ERI1: variants seen among roughly 807,000 people sequenced by gnomAD.
ERI1 encodes exoribonuclease 1.
In ERI1, 39 loss-of-function variants were observed where a neutral mutation model predicts 39.7. That is an observed-to-expected ratio of 0.98 (90% confidence interval 0.76 to 1.28). The LOEUF is 1.28. Ranked by LOEUF, ERI1 falls within the 50% of genes most tolerant of loss-of-function variation. The probability of loss-of-function intolerance (pLI) is 0.00; values close to 1 mark genes in which losing one functional copy is unlikely to be tolerated. For missense variants in ERI1, 581 were observed against 416.9 expected, an observed-to-expected ratio of 1.39 and a Z score of -3.43; for synonymous variants, 204 against 149.6, an observed-to-expected ratio of 1.36 and a Z score of -2.65.
chr8:9,029,698 G>T, intron 6 of ERI1, 94 bp from the exon 7 acceptor site: 1 of 1,441,454 alleles, frequency 6.9e-7, no homozygotes, highest in Non-Finnish European at 9.6e-7. Context: ...AGCTGTTAGT[G>T]CTAATTTTCA....
chr8:9,009,660 C>T (rs1159529274), intron 2 of ERI1, among the ~76,000 whole-genome samples: 1 of 152,120 alleles, frequency 6.6e-6, no homozygotes, highest in Non-Finnish European at 1.5e-5. Context: ...GTGCCTCAGC[C>T]TCCTGAGTAG....
chr8:9,029,907 G>A lies in ERI1; in HGVS notation c.923G>A (p.Arg308Gln), dbSNP rs749327249. The A allele has an allele frequency of 7.4e-6, 12 of 1,614,128 alleles. No individual in the cohort carries two copies. The highest frequency in any genetic ancestry group is 1.0e-5 in the Non-Finnish European group (12 of 1,180,024). The change falls in exon 7 of 7, where the codon CGA becomes CAA. Residue 308 changes from arginine to glutamine, a missense_variant. By Grantham distance (43) the Arg-to-Gln change is conservative. Transcript: ENST00000250263. Reference protein sequence around the residue: ...DSKNIARIAVRMLQDGCELRI... With the variant: ...DSKNIARIAVQMLQDGCELRI... Reference sequence around the variant, plus strand: ...AAGAATATCGCCCGAATAGCAGTTCGAATGCTTCAGGATGGGTGTGAACTC... The same window carrying A: ...AAGAATATCGCCCGAATAGCAGTTCAAATGCTTCAGGATGGGTGTGAACTC...
chr8:9,062,648 G>A lies in ERI1; in HGVS notation n.299+42184G>A, dbSNP rs539853340. 4.7e-5 allele frequency: 7 copies of A among 148,990 alleles called. 1 individual carries two copies. Among genetic ancestry groups the A allele is most frequent in the African/African-American group, 1.7e-4 (7 of 41,332 alleles). 9.2% of individuals were successfully genotyped at this position (148,990 alleles called of 1,614,324 possible). A position where few individuals can be genotyped will look rare whatever the true frequency, so the allele number is the denominator to read the frequency against. The stretch of plus-strand genomic sequence containing the variant: ...ACCTCCACTGTGAGAGTTAATCAGA[G>A]TATCTGTGATGGTCCTGTAGGCTTC... On this transcript the variant is annotated intron_variant and non_coding_transcript_variant, in intron 3 of 3. Coordinates refer to the ERI1 transcript ENST00000518663.
chr8:9,040,232 A>G (rs758410985), intron 3 of ERI1, among the ~76,000 whole-genome samples: 4 of 152,088 alleles, frequency 2.6e-5, no homozygotes, highest in African/African-American at 4.8e-5. Context: ...TTCAATAAAA[A>G]TCATTACTTT....
At chr8:9,042,548 T>G (rs1474590013) in intron 3 of ERI1, among the ~76,000 whole-genome samples, 1 of 152,146 alleles carries the variant, frequency 6.6e-6, no homozygotes, top group East Asian at 1.9e-4. Context: ...TCCCTGTTCT[T>G]TGAGGAGGTA....
At chr8:9,050,898 A>C (rs192897331) in intron 3 of ERI1, among the ~76,000 whole-genome samples, 406 of 152,192 alleles carry the variant, frequency 2.7e-3, no homozygotes, top group African/African-American at 9.4e-3. Flanking sequence ...TCAGGGCAGC[A>C]CCTTTGGATG....
At chr8:9,029,035 A>G (rs576361220) in intron 6 of ERI1, among the ~76,000 whole-genome samples, 2 of 149,978 alleles carry the variant, frequency 1.3e-5, no homozygotes, top group South Asian at 4.2e-4. Context: ...AACCTGAAAA[A>G]TACCACACCA....
chr8:9,071,645 A>T (rs865926719), intron 3 of ERI1, among the ~76,000 whole-genome samples: 2 of 152,378 alleles, frequency 1.3e-5, no homozygotes, highest in Admixed American at 6.5e-5. Context: ...AAACGGGAGA[A>T]GTCCTCCCCT....
At chr8:9,025,024 G>C (rs115634172) in intron 6 of ERI1, among the ~76,000 whole-genome samples, 1,656 of 152,208 alleles carry the variant, frequency 0.011, 30 homozygotes, top group African/African-American at 0.037. Flanking sequence ...AGGATACTTT[G>C]CAGAAATCCA....
chr8:9,014,249 T>C (rs1016233246), intron 3 of ERI1, among the ~76,000 whole-genome samples: 7 of 152,208 alleles, frequency 4.6e-5, no homozygotes, highest in African/African-American at 1.7e-4. Context: ...GCCAGGACTT[T>C]AGCTCCAGTT....
At chr8:9,021,062 T>A (rs1817835642) in intron 6 of ERI1, among the ~76,000 whole-genome samples, 1 of 152,218 alleles carries the variant, frequency 6.6e-6, no homozygotes, top group Non-Finnish European at 1.5e-5. Flanking sequence ...CCACTCCTGC[T>A]TGTCCTTCCC....
At position 9,032,111 on chromosome 8, in the gene ERI1, T is replaced by G. The variant is rs556988677; in HGVS notation, c.*2077T>G. ...TCTCTGTCCTCCCCTCCAATTTGATTTGGGATTTTGCTGATGAGATGATAC... is the reference window on the plus strand; with the variant it reads ...TCTCTGTCCTCCCCTCCAATTTGATGTGGGATTTTGCTGATGAGATGATAC... On this transcript the variant is annotated 3_prime_UTR_variant, in exon 7 of 7. Transcript: ENST00000250263. The G allele has an allele frequency of 5.3e-5, 8 of 152,286 alleles. No individual in the cohort carries two copies. The East Asian group carries it at 1.5e-3, about 29-fold the overall frequency. 9.4% of individuals were successfully genotyped at this position (152,286 alleles called of 1,614,324 possible). A position where few individuals can be genotyped will look rare whatever the true frequency, so the allele number is the denominator to read the frequency against.
chr8:9,016,869 T>C (rs985949127), intron 4 of ERI1, among the ~76,000 whole-genome samples: 1 of 151,870 alleles, frequency 6.6e-6, no homozygotes, highest in African/African-American at 2.4e-5. Flanking sequence ...TTATTTTTAG[T>C]AGAGACCTGG....
Position 9,004,696 on chromosome 8 carries a change from T to G in ERI1, c.108+1525T>G, listed in dbSNP as rs867145202. Among the ~76,000 whole-genome samples, 1,090 of 150,654 alleles carry G rather than the reference T, an allele frequency of 7.2e-3. 13 individuals carry two copies. The highest frequency in any genetic ancestry group is 0.026 in the African/African-American group (1,049 of 41,104). On this transcript the variant is annotated intron_variant, in intron 1 of 6. Transcript: ENST00000250263. Reference sequence around the variant, plus strand: ...AATAGTAATGATACTTTTTTTTTTTTTTTTTTGGAGACGGAGTTTCGTTCT... The same window carrying G: ...AATAGTAATGATACTTTTTTTTTTTGTTTTTTGGAGACGGAGTTTCGTTCT...
rs1306395410 is a variant in ERI1 at position 9,005,443 on chromosome 8, T to C, written c.108+2272T>C. On this transcript the variant is annotated intron_variant, in intron 1 of 6. Transcript: ENST00000250263. Reference sequence around the variant, plus strand: ...CTTCCCAATAAGAAGAGGACAGCAATTATAGAATACCTGTCTTTTTGTAAA... The same window carrying C: ...CTTCCCAATAAGAAGAGGACAGCAACTATAGAATACCTGTCTTTTTGTAAA... 5.9e-5 allele frequency among the ~76,000 whole-genome samples: 9 copies of C among 152,200 alleles called. No individual in the cohort carries two copies. The South Asian group carries it at 1.9e-3, about 32-fold the overall frequency.
downstream of ERI1, among the ~76,000 whole-genome samples, chr8:9,037,421 AT>A (rs1385036479): frequency 1.0e-4 from 15 of 150,690 alleles, no homozygotes; most frequent in Admixed American, 2.6e-4. Context: ...AACTCCCTCT[AT>A]TTGTTCATTG....
At chr8:9,012,669 C>G (rs963653318) in intron 3 of ERI1, among the ~76,000 whole-genome samples, 3 of 152,198 alleles carry the variant, frequency 2.0e-5, no homozygotes, top group Non-Finnish European at 4.4e-5. Context: ...CTCTCTTACT[C>G]AAGGACGTTA....
intron 3 of ERI1, among the ~76,000 whole-genome samples, chr8:9,075,992 A>G (rs1799199451): frequency 1.3e-5 from 2 of 152,090 alleles, no homozygotes; most frequent in East Asian, 1.9e-4. Flanking sequence ...CAGTGGCACA[A>G]TCATGCAATC....
At chr8:9,027,275 T>C (rs1563334231) in intron 6 of ERI1, among the ~76,000 whole-genome samples, 1 of 152,078 alleles carries the variant, frequency 6.6e-6, no homozygotes, top group Non-Finnish European at 1.5e-5. Context: ...TTCATGTGAT[T>C]TTTAGCCATT....
Sources: allele counts gnomAD v4.1 joint callset (sites outside exome capture counted in the v4.1 genomes callset), GRCh38; gene constraint gnomAD v4.1.1; transcripts MANE v1.5; gene names NCBI Gene and HGNC (gene_info 2026-07-23, HGNC 2026-07-21).